TMEM67: variants seen among roughly 807,000 people sequenced by gnomAD.
TMEM67 encodes meckelin.
In TMEM67, 124 loss-of-function variants were observed where a neutral mutation model predicts 136.6. The observed-to-expected ratio is 0.91, with a 90% CI of 0.78 to 1.05. The LOEUF is 1.05. Ranked by LOEUF, TMEM67 falls within the 50% of genes least tolerant of loss-of-function variation. The probability of loss-of-function intolerance (pLI) is 0.00; values close to 1 mark genes in which losing one functional copy is unlikely to be tolerated. For synonymous variants in TMEM67, 364 were observed against 390.5 expected, an observed-to-expected ratio of 0.93 and a Z score of 0.80; for missense variants, 1,107 against 1,178.4, an observed-to-expected ratio of 0.94 and a Z score of 0.89.
rs1230815674 is a variant in TMEM67, at chr8:93,765,577, G to A, written c.582G>A (p.Gly194=). The change falls in exon 6 of 28, where the codon GGG becomes GGA. Residue 194 remains glycine, a synonymous_variant. Transcript: ENST00000453321. ...TCCCTCATTTATTTATGAAGACAGGGGGATTATGTTTCAGCAGCACAGGGA... is the reference window on the plus strand; with the variant it reads ...TCCCTCATTTATTTATGAAGACAGGAGGATTATGTTTCAGCAGCACAGGGA... The part of the protein sequence containing the change: ...CACSEPNILT[G]GLCFSSTGNF... 2 of 1,612,262 alleles carry A rather than the reference G, an allele frequency of 1.2e-6. No individual in the cohort carries two copies. Among genetic ancestry groups the A allele is most frequent in the East Asian group, 4.5e-5 (2 of 44,852 alleles).
chr8:93,791,190 G>C, intron 14 of TMEM67, 73 bp from the exon 15 acceptor site: 1 of 1,008,638 alleles, frequency 9.9e-7, no homozygotes, highest in South Asian at 1.4e-5. Flanking sequence ...AGCTACAAAT[G>C]TATTTTTATA....
chr8:93,783,269 A>T (rs1813931923), intron 11 of TMEM67, among the ~76,000 whole-genome samples: 1 of 152,234 alleles, frequency 6.6e-6, no homozygotes, highest in South Asian at 2.1e-4. Flanking sequence ...TACAGGTGTG[A>T]GCCACCTCGT....
At position 93,754,903 on chromosome 8, in the gene TMEM67, A is replaced by G. The variant is rs1003754648; in HGVS notation, c.-12A>G. 1.9e-6 allele frequency: 3 copies of G among 1,612,382 alleles called. No individual in the cohort carries two copies. Among genetic ancestry groups the G allele is most frequent in the African/African-American group, 1.3e-5 (1 of 74,886 alleles). On this transcript the variant is annotated 5_prime_UTR_variant, in exon 1 of 28. Coordinates refer to ENST00000453321, the MANE Select transcript of TMEM67 (RefSeq NM_153704.6). Reference sequence around the variant, plus strand: ...GGGGGCTGGAGGCTGTGAGGCTTCCAGCGTCGGTACCATGGCGACGCGCGG... The same window carrying G: ...GGGGGCTGGAGGCTGTGAGGCTTCCGGCGTCGGTACCATGGCGACGCGCGG...
chr8:93,809,161 T>TA lies in TMEM67; in HGVS notation c.2661_2661+1insA (p.Val888SerfsTer3). The TA allele has an allele frequency of 6.8e-7, 1 of 1,478,416 alleles. No individual in the cohort carries two copies. The highest frequency in any genetic ancestry group is 1.1e-5 in the South Asian group (1 of 88,290). The allele number at this position is 1,478,416 out of a possible 1,614,324, so 91.6% of individuals were successfully genotyped here. Reference sequence around the variant, plus strand: ...AATTTCTTGGCTCCTTCATTGACCATGTATGTATGTCAACATTTATATTTA... The same window carrying TA: ...AATTTCTTGGCTCCTTCATTGACCATAGTATGTATGTCAACATTTATATTTA... On this transcript the variant is annotated frameshift_variant and splice_region_variant. Transcript: ENST00000453321. LOFTEE classifies it high-confidence loss of function.
chr8:93,765,591 G>A lies in TMEM67; in HGVS notation c.596G>A (p.Ser199Asn). 1 of 1,612,888 alleles carries A rather than the reference G, an allele frequency of 6.2e-7. No homozygotes were observed. ...ATGAAGACAGGGGGATTATGTTTCA[G>A]CAGCACAGGGAATTTTCCTCTACGT... Reference protein sequence around the residue: ...PNILTGGLCFSSTGNFPLRRI... With the variant: ...PNILTGGLCFNSTGNFPLRRI... The change falls in exon 6 of 28, where the codon AGC becomes AAC. Residue 199 changes from serine (S) to asparagine (N), a missense_variant. Ser to Asn is a conservative substitution (Grantham distance 46). Around this residue, in one of 3 missense-constraint regions of TMEM67, gnomAD observed 925 missense variants for 1,002.4 expected, o/e 0.92. Coordinates refer to ENST00000453321, the MANE Select transcript of TMEM67 (RefSeq NM_153704.6).
intron 2 of TMEM67, among the ~76,000 whole-genome samples, chr8:93,757,507 G>A (rs1209061810): frequency 6.6e-6 from 1 of 151,756 alleles, no homozygotes; most frequent in African/African-American, 2.4e-5. Context: ...GTGGTGGCAC[G>A]TGCCTGTAGT....
intron 10 of TMEM67, 90 bp from the exon 11 acceptor site, chr8:93,782,305 G>A (rs1023748775): frequency 5.6e-6 from 5 of 895,988 alleles, no homozygotes; most frequent in Middle Eastern, 4.7e-4. Context: ...GTATTATGTA[G>A]AGCATATATC....
chr8:93,785,406 T>C, intron 12 of TMEM67, 28 bp downstream of exon 12: 1 of 1,602,808 alleles, frequency 6.2e-7, no homozygotes, highest in East Asian at 2.2e-5. Context: ...ACCACTCTTT[T>C]CCCTGAGCAG....
Position 93,792,887 on chromosome 8 carries a change from C to T in TMEM67, c.1576-311C>T, listed in dbSNP as rs189141345. ...TCCCAGGTTCATGCCATTCTCCTGC[C>T]TCAGCCTCCCCAGTAGCTGGGACTA... On this transcript the variant is annotated intron_variant, in intron 15 of 27. Transcript: ENST00000453321. Among the ~76,000 whole-genome samples the T allele has an allele frequency of 2.8e-3, 427 of 151,928 alleles. 6 individuals carry two copies. The highest frequency in any genetic ancestry group is 0.01 in the African/African-American group (420 of 41,452).
chr8:93,785,503 T>C (rs1814054245), intron 12 of TMEM67, 125 bp downstream of exon 12: 2 of 927,804 alleles, frequency 2.2e-6, no homozygotes, highest in African/African-American at 3.4e-5. Context: ...TGTGGTTCTA[T>C]ACAGTGTGCC....
downstream of TMEM67, among the ~76,000 whole-genome samples, chr8:93,819,672 A>G (rs1809012209): frequency 6.6e-6 from 1 of 152,146 alleles, no homozygotes; most frequent in Admixed American, 6.5e-5. Flanking sequence ...AGATTTTAAG[A>G]TAAACAAAAA....
Position 93,817,671 on chromosome 8 carries a change from C to A in TMEM67, c.*1219C>A, listed in dbSNP as rs907918005. The stretch of plus-strand genomic sequence containing the variant: ...ATATATACTAAAACATTTGGTATTT[C>A]TGTTTTCTGTTTCATTAATGTATAT... On this transcript the variant is annotated 3_prime_UTR_variant, in exon 28 of 28. Transcript: ENST00000453321. The A allele has an allele frequency of 3.3e-5, 5 of 152,094 alleles. No homozygotes were observed. The highest frequency in any genetic ancestry group is 1.2e-4 in the African/African-American group (5 of 41,402). 9.4% of individuals were successfully genotyped at this position (152,094 alleles called of 1,614,324 possible). A position where few individuals can be genotyped will look rare whatever the true frequency, so the allele number is the denominator to read the frequency against.
intron 6 of TMEM67, among the ~76,000 whole-genome samples, chr8:93,771,249 C>CTT (rs564652687): frequency 8.2e-4 from 116 of 142,114 alleles, no homozygotes; most frequent in African/African-American, 2.7e-3. Context: ...TTTCTCTGTG[C>CTT]TTTTTTTTTT....
chr8:93,769,280 C>T (rs1813228017), intron 6 of TMEM67, among the ~76,000 whole-genome samples: 2 of 152,326 alleles, frequency 1.3e-5, no homozygotes, highest in South Asian at 2.1e-4. Context: ...CTCAGAGGAC[C>T]CCCCAGTCCT....
At chr8:93,792,539 C>T (rs1362888056) in intron 15 of TMEM67, among the ~76,000 whole-genome samples, 3 of 152,038 alleles carry the variant, frequency 2.0e-5, no homozygotes, top group Non-Finnish European at 4.4e-5. Flanking sequence ...GTGATATTTG[C>T]CTGATGGTGA....
intron 14 of TMEM67, among the ~76,000 whole-genome samples, chr8:93,788,455 C>T (rs868018474): frequency 6.6e-5 from 10 of 152,128 alleles, no homozygotes; most frequent in African/African-American, 2.4e-4. Context: ...CCCAGCTACT[C>T]AGGAGGCTGA....
intron 11 of TMEM67, among the ~76,000 whole-genome samples, chr8:93,784,615 A>C (rs1018868176): frequency 2.6e-5 from 4 of 152,230 alleles, no homozygotes; most frequent in Non-Finnish European, 5.9e-5. Flanking sequence ...TCACAAAGTA[A>C]GTGATACTTG....
intron 26 of TMEM67, among the ~76,000 whole-genome samples, chr8:93,813,882 A>G (rs1258891112): frequency 1.3e-5 from 2 of 152,166 alleles, no homozygotes; most frequent in Non-Finnish European, 2.9e-5. Flanking sequence ...GAGCATGTAA[A>G]ACAGGTTTTT....
Position 93,816,459 on chromosome 8 carries a change from G to A in TMEM67, c.*7G>A, listed in dbSNP as rs1408146548. On this transcript the variant is annotated 3_prime_UTR_variant, in exon 28 of 28. Transcript: ENST00000453321. ...TCAAAGATTTTTGATTTAACTTCCTGAATAAATAACTTAAAGACTCAGTAT... is the reference window on the plus strand; with the variant it reads ...TCAAAGATTTTTGATTTAACTTCCTAAATAAATAACTTAAAGACTCAGTAT... 2.0e-6 allele frequency: 3 copies of A among 1,535,622 alleles called. No individual in the cohort carries two copies. In the Middle Eastern group the frequency reaches 5.1e-4, roughly 262 times the overall value.
Sources: allele counts gnomAD v4.1 joint callset (sites outside exome capture counted in the v4.1 genomes callset), GRCh38; gene constraint gnomAD v4.1.1; regional missense constraint gnomAD v4.1.1; transcripts MANE v1.5; gene names NCBI Gene and HGNC (gene_info 2026-07-23, HGNC 2026-07-21).